The following SLC35F4 variants were observed in gnomAD, a reference collection of about 807,000 sequenced individuals.
SLC35F4 encodes chromosome 14 open reading frame 36.
Under a neutral mutation model 44.2 loss-of-function variants are expected in SLC35F4, and 24 were observed. The ratio of observed to expected loss-of-function variants is 0.54; its 90% CI spans 0.39 to 0.76. The LOEUF (loss-of-function observed/expected upper bound fraction) is 0.76, where lower values mean the gene tolerates loss of function less well. SLC35F4 is among the 30% of genes least tolerant of loss of function. The pLI, the probability that SLC35F4 is intolerant of heterozygous loss-of-function variation, is 0.00. For synonymous variants in SLC35F4, 238 were observed against 223.6 expected (o/e 1.06, Z -0.57); for missense variants, 562 against 586.1 (o/e 0.96, Z 0.42).
intron 1 of SLC35F4, among the ~76,000 whole-genome samples, chr14:57,597,147 T>G (rs1172556182): frequency 6.6e-6 from 1 of 152,228 alleles, no homozygotes; most frequent in Non-Finnish European, 1.5e-5. Flanking sequence ...CTGTTTTGTA[T>G]GCAACAATGA....
At chr14:57,926,421 G>A (rs1392067172) in intron 1 of SLC35F4, among the ~76,000 whole-genome samples, 2 of 152,048 alleles carry the variant, frequency 1.3e-5, no homozygotes, top group Non-Finnish European at 2.9e-5. Context: ...ACACAGTCAC[G>A]CAAACACATT....
intron 1 of SLC35F4, among the ~76,000 whole-genome samples, chr14:57,617,533 C>T (rs1158668091): frequency 6.6e-6 from 1 of 152,178 alleles, no homozygotes; most frequent in African/African-American, 2.4e-5. Context: ...ACCCAATAAA[C>T]ATTTACTCAA....
At chr14:57,587,823 ATTC>A (rs1391428510) in intron 3 of SLC35F4, among the ~76,000 whole-genome samples, 2 of 147,882 alleles carry the variant, frequency 1.4e-5, no homozygotes, top group Non-Finnish European at 3.0e-5. Context: ...AAAATTAAAC[ATTC>A]TTCAAGGCCA....
chr14:57,742,063 C>T (rs538557236), intron 1 of SLC35F4, among the ~76,000 whole-genome samples: 10 of 152,174 alleles, frequency 6.6e-5, no homozygotes, highest in Admixed American at 5.9e-4. Flanking sequence ...TAAAAGAGCT[C>T]CTGAAGGAAG....
At chr14:57,973,049 A>G (rs1881100089), downstream of SLC35F4, among the ~76,000 whole-genome samples, 1 of 152,188 alleles carries the variant, frequency 6.6e-6, no homozygotes, top group Non-Finnish European at 1.5e-5. Context: ...AGATTAGTAA[A>G]ATGAGACACA....
chr14:57,957,884 TAC>T (rs1010035569), intron 1 of SLC35F4, among the ~76,000 whole-genome samples: 16 of 151,910 alleles, frequency 1.1e-4, no homozygotes, highest in Admixed American at 2.0e-4. Flanking sequence ...ATCTATGTAA[TAC>T]ACACACACAC....
chr14:57,623,225 A>G (rs972025530), intron 1 of SLC35F4, among the ~76,000 whole-genome samples: 1 of 152,250 alleles, frequency 6.6e-6, no homozygotes, highest in African/African-American at 2.4e-5. Context: ...AGGGCATTAC[A>G]TAATGGTAAA....
At chr14:57,758,847 T>C (rs974359083) in intron 1 of SLC35F4, among the ~76,000 whole-genome samples, 16 of 152,176 alleles carry the variant, frequency 1.1e-4, no homozygotes, top group African/African-American at 3.9e-4. Flanking sequence ...GCTATTCTTC[T>C]TGCATAACTG....
At chr14:57,670,754 G>A (rs984523990) in intron 1 of SLC35F4, among the ~76,000 whole-genome samples, 1 of 151,690 alleles carries the variant, frequency 6.6e-6, no homozygotes, top group East Asian at 1.9e-4. Context: ...AAGGAAACAG[G>A]CCTAGTTGTG....
chr14:57,824,648 G>C (rs1331213288), intron 1 of SLC35F4, among the ~76,000 whole-genome samples: 1 of 152,172 alleles, frequency 6.6e-6, no homozygotes, highest in African/African-American at 2.4e-5. Flanking sequence ...GCCAGACATA[G>C]AGATATCTGG....
At position 57,886,016 on chromosome 14, in the gene SLC35F4, C is replaced by T. The variant is rs562136289; in HGVS notation, n.282+95897G>A. Among the ~76,000 whole-genome samples, 13 of 152,256 alleles carry T rather than the reference C, an allele frequency of 8.5e-5. No homozygotes were observed. The South Asian group carries it at 2.7e-3, about 32-fold the overall frequency. On this transcript the variant is annotated intron_variant and non_coding_transcript_variant, in intron 1 of 1. Transcript: ENST00000556568. ...GTAAACACCTAATAAATATTGCAGA[C>T]TGAATGACTATAATAGGAAATTTAT...
At chr14:57,707,123 G>C (rs779804231) in intron 1 of SLC35F4, among the ~76,000 whole-genome samples, 3 of 152,170 alleles carry the variant, frequency 2.0e-5, no homozygotes, top group Non-Finnish European at 4.4e-5. Flanking sequence ...GGGGAATGTG[G>C]AGAATAAAGG....
At chr14:57,687,337 G>A (rs978967774) in intron 1 of SLC35F4, among the ~76,000 whole-genome samples, 5 of 152,102 alleles carry the variant, frequency 3.3e-5, no homozygotes, top group African/African-American at 1.2e-4. Context: ...AATTAAATTT[G>A]GAGAGCATCT....
chr14:57,838,978 G>A (rs1885221112), intron 1 of SLC35F4, among the ~76,000 whole-genome samples: 1 of 152,102 alleles, frequency 6.6e-6, no homozygotes, highest in Admixed American at 6.5e-5. Flanking sequence ...ACCACTTGTT[G>A]AGCTCATATT....
chr14:57,790,797 A>G lies in SLC35F4; in HGVS notation c.103+74926T>C, dbSNP rs151294223. Among the ~76,000 whole-genome samples the G allele has an allele frequency of 0.014, 2,058 of 152,266 alleles. 248 individuals are homozygous for G. The East Asian group carries it at 0.31, about 23-fold the overall frequency. On this transcript the variant is annotated intron_variant, in intron 1 of 7. Transcript: ENST00000556826. ...GGTACCAAAAATGTCATATAGACCAATGGAACAGAACAGAGGCCTCAGAAA... is the reference window on the plus strand; with the variant it reads ...GGTACCAAAAATGTCATATAGACCAGTGGAACAGAACAGAGGCCTCAGAAA...
At chr14:57,739,390 C>A (rs1236610146) in intron 1 of SLC35F4, among the ~76,000 whole-genome samples, 1 of 152,160 alleles carries the variant, frequency 6.6e-6, no homozygotes, top group Non-Finnish European at 1.5e-5. Flanking sequence ...TGGAAGGTTT[C>A]TTTGCATGAT....
At chr14:57,875,107 A>AGTG (rs1888372088) in intron 1 of SLC35F4, among the ~76,000 whole-genome samples, 1 of 152,214 alleles carries the variant, frequency 6.6e-6, no homozygotes, top group Middle Eastern at 3.2e-3. Context: ...GCATGGGCTC[A>AGTG]ATTTGATAAA....
At position 57,777,975 on chromosome 14, in the gene SLC35F4, C is replaced by T. The variant is rs142400510; in HGVS notation, c.103+87748G>A. Among the ~76,000 whole-genome samples the T allele has an allele frequency of 1.3e-3, 202 of 152,234 alleles. 1 individual carries two copies. Among genetic ancestry groups the T allele is most frequent in the Non-Finnish European group, 2.4e-3 (163 of 68,012 alleles). On this transcript the variant is annotated intron_variant, in intron 1 of 7. Transcript: ENST00000556826. ...GACATGGTTTGGCTGTGTCCCCACCCAAATCTCATCTTGAATTGTAACTCC... is the reference window on the plus strand; with the variant it reads ...GACATGGTTTGGCTGTGTCCCCACCTAAATCTCATCTTGAATTGTAACTCC...
At chr14:57,719,662 G>A (rs1278659927) in intron 1 of SLC35F4, among the ~76,000 whole-genome samples, 3 of 150,338 alleles carry the variant, frequency 2.0e-5, no homozygotes, top group Non-Finnish European at 1.5e-5. Flanking sequence ...TGTTAACTTT[G>A]TATCATGCAA....
Sources: allele counts gnomAD v4.1 joint callset (sites outside exome capture counted in the v4.1 genomes callset), GRCh38; gene constraint gnomAD v4.1.1; transcripts MANE v1.5; gene names NCBI Gene and HGNC (gene_info 2026-07-23, HGNC 2026-07-21).